Variants in KMT2C observed in about 807,000 individuals in gnomAD.
KMT2C encodes the protein histone-lysine N-methyltransferase 2C.
Under a neutral mutation model 507.9 loss-of-function variants are expected in KMT2C, and 88 were observed. That is an observed-to-expected ratio of 0.17 (90% CI 0.15 to 0.21). The LOEUF (loss-of-function observed/expected upper bound fraction) is 0.21, where lower values mean the gene tolerates loss of function less well. KMT2C is among the 10% of genes least tolerant of loss of function. KMT2C has a pLI of 1.00. For synonymous variants in KMT2C, 2,049 were observed against 2,080.8 expected, an observed-to-expected ratio of 0.98 and a Z score of 0.42; for missense variants, 4,954 against 5,957.8, an observed-to-expected ratio of 0.83 and a Z score of 5.55.
chr7:152,284,721 A>G (rs1463152692), intron 6 of KMT2C, among the ~76,000 whole-genome samples: 1 of 152,208 alleles, frequency 6.6e-6, no homozygotes. Flanking sequence ...CAAGAAGATG[A>G]CAAGTAAATC....
intron 1 of KMT2C, among the ~76,000 whole-genome samples, chr7:152,365,159 A>C (rs1489678761): frequency 2.6e-5 from 4 of 152,216 alleles, no homozygotes; most frequent in Admixed American, 6.5e-5. Context: ...GGAGAAAATT[A>C]AAGGAAAAAC....
chr7:152,258,738 C>T (rs527784330), intron 9 of KMT2C, among the ~76,000 whole-genome samples: 1 of 152,240 alleles, frequency 6.6e-6, no homozygotes, highest in African/African-American at 2.4e-5. Flanking sequence ...GTTGGCCAGG[C>T]TGATCTCGAA....
At chr7:152,283,903 A>G (rs2096258068) in intron 6 of KMT2C, among the ~76,000 whole-genome samples, 1 of 152,178 alleles carries the variant, frequency 6.6e-6, no homozygotes, top group Admixed American at 6.5e-5. Flanking sequence ...GAGTATTTAT[A>G]TAATCACAGC....
At chr7:152,290,258 G>GTGTGTGTGTGTATATATA (rs1337492088) in intron 6 of KMT2C, among the ~76,000 whole-genome samples, 1 of 26,242 alleles carries the variant, frequency 3.8e-5, no homozygotes, top group African/African-American at 1.4e-4. Flanking sequence ...GTGTGTATGT[G>GTGTGTGTGTGTATATATA]TATATATATA....
Position 152,180,082 on chromosome 7 carries a change from C to A in KMT2C, c.7194G>T (p.Lys2398Asn). The A allele has an allele frequency of 1.2e-6, 2 of 1,614,236 alleles. No homozygotes were observed. The highest frequency in any genetic ancestry group is 1.7e-6 in the Non-Finnish European group (2 of 1,180,054). The change falls in exon 37 of 59, where the codon AAG becomes AAT. Residue 2398 changes from lysine to asparagine, a missense_variant. Physicochemically the swap from Lys to Asn is moderately conservative, Grantham distance 94. Coordinates refer to ENST00000262189, the MANE Select transcript of KMT2C (RefSeq NM_170606.3). ...CCTTCTCCTGTCGACCTGCAATCTT[C>A]TTCTGCTGTTGCTGCTGGAGAATGA... is the stretch of plus-strand genomic sequence containing the variant. Reference protein sequence around the residue: ...REIILQQQQQKKIAGRQEKGS... With the variant: ...REIILQQQQQNKIAGRQEKGS...
intron 1 of KMT2C, among the ~76,000 whole-genome samples, chr7:152,435,409 A>G (rs1402726515): frequency 1.3e-5 from 2 of 149,170 alleles, no homozygotes; most frequent in Non-Finnish European, 3.0e-5. Flanking sequence ...CGCCGGCGGG[A>G]GCCCGGGCGG....
Position 152,339,959 on chromosome 7 carries a change from A to G in KMT2C, c.251-9220T>C, listed in dbSNP as rs77127032. Among the ~76,000 whole-genome samples the G allele has an allele frequency of 4.1e-3, 622 of 152,188 alleles. 6 individuals carry two copies. The highest frequency in any genetic ancestry group is 0.025 in the East Asian group (130 of 5,180). ...TCATTATCGACTAGTTATCCAAAAA[A>G]TATGCCTTCTCCCTCTATGCTTTAA... On this transcript the variant is annotated intron_variant, in intron 2 of 58. Coordinates refer to ENST00000262189, the MANE Select transcript of KMT2C (RefSeq NM_170606.3).
intron 2 of KMT2C, among the ~76,000 whole-genome samples, chr7:152,355,422 T>A (rs576280305): frequency 2.2e-4 from 34 of 152,226 alleles, no homozygotes; most frequent in Admixed American, 6.5e-4. Flanking sequence ...TTTAGAGTCA[T>A]TAGCATTTAG....
At chr7:152,286,949 C>A (rs538825364) in intron 6 of KMT2C, among the ~76,000 whole-genome samples, 1 of 152,258 alleles carries the variant, frequency 6.6e-6, no homozygotes, top group African/African-American at 2.4e-5. Context: ...AACAACAAAC[C>A]AGTTTAAGCC....
intron 1 of KMT2C, among the ~76,000 whole-genome samples, chr7:152,388,537 G>A (rs10273738): frequency 0.045 from 6,769 of 151,994 alleles, 100 homozygotes; most frequent in African/African-American, 0.15. Flanking sequence ...CAGCCTGGGC[G>A]ACAGAGCGAG....
At chr7:152,255,142 T>TAC (rs1554583959) in intron 9 of KMT2C, among the ~76,000 whole-genome samples, 36 of 126,344 alleles carry the variant, frequency 2.8e-4, no homozygotes, top group African/African-American at 8.0e-4. Context: ...TATATATATA[T>TAC]ATACATATAT....
intron 3 of KMT2C, among the ~76,000 whole-genome samples, chr7:152,327,957 CAAAAAA>C (rs371396057): frequency 4.6e-4 from 36 of 78,700 alleles, no homozygotes; most frequent in Non-Finnish European, 6.6e-4. Flanking sequence ...GACTCCGCCT[CAAAAAA>C]AAAAAAAAAA....
intron 4 of KMT2C, among the ~76,000 whole-genome samples, chr7:152,313,598 A>G (rs1378085943): frequency 6.6e-6 from 1 of 151,584 alleles, no homozygotes; most frequent in East Asian, 1.9e-4. Flanking sequence ...GAGCAAAGAC[A>G]TTTTCAAAAC....
intron 1 of KMT2C, among the ~76,000 whole-genome samples, chr7:152,377,323 G>T (rs1486333620): frequency 6.6e-6 from 1 of 152,278 alleles, no homozygotes; most frequent in Non-Finnish European, 1.5e-5. Context: ...GTCATTCGAG[G>T]GCTTTGATGG....
intron 1 of KMT2C, among the ~76,000 whole-genome samples, chr7:152,409,718 A>G (rs7778684): frequency 0.034 from 5,211 of 152,186 alleles, 31 homozygotes; most frequent in African/African-American, 0.12. Flanking sequence ...GTGACAGAGC[A>G]AGACTCCGTC....
chr7:152,370,120 G>T (rs1417840579), intron 1 of KMT2C, among the ~76,000 whole-genome samples: 2 of 150,762 alleles, frequency 1.3e-5, no homozygotes, highest in Admixed American at 1.3e-4. Context: ...CGTGAACCCT[G>T]GAGGCAGAGC....
At chr7:152,365,667 T>C (rs532176607) in intron 1 of KMT2C, among the ~76,000 whole-genome samples, 2 of 152,370 alleles carry the variant, frequency 1.3e-5, no homozygotes, top group Admixed American at 1.3e-4. Flanking sequence ...ATTACAGGCA[T>C]TAGCCTCCCG....
chr7:152,330,506 C>T, intron 3 of KMT2C, 95 bp downstream of exon 3: 1 of 1,232,908 alleles, frequency 8.1e-7, no homozygotes, highest in Non-Finnish European at 1.2e-6. Context: ...CCCAGATTTT[C>T]ATCCTAAACT....
intron 15 of KMT2C, 128 bp downstream of exon 15, chr7:152,238,579 A>C: frequency 1.5e-6 from 1 of 677,876 alleles, no homozygotes; most frequent in East Asian, 3.2e-5. Flanking sequence ...TTTACATTAA[A>C]ATTTTTAGAT....
Sources: gnomAD v4.1 joint callset for allele counts (sites outside exome capture counted in the v4.1 genomes callset) on GRCh38, gnomAD v4.1.1 for gene constraint, MANE v1.5 for transcripts, NCBI Gene and HGNC (gene_info 2026-07-23, HGNC 2026-07-21) for gene names.